Variants in EFNA5 observed in about 807,000 individuals in gnomAD.
The protein encoded by EFNA5 is ephrin-A5.
In EFNA5, 5 loss-of-function variants were observed where a neutral mutation model predicts 22.9. The observed-to-expected ratio is 0.22, with a 90% CI of 0.11 to 0.46. The LOEUF (loss-of-function observed/expected upper bound fraction) is 0.46. Ranked by LOEUF, EFNA5 falls within the 20% of genes least tolerant of loss-of-function variation. The pLI is 0.99. For missense variants in EFNA5, 237 were observed against 293.3 expected, an observed-to-expected ratio of 0.81 and a Z score of 1.40; for synonymous variants, 113 against 112.2, an observed-to-expected ratio of 1.01 and a Z score of -0.04.
intron 1 of EFNA5, among the ~76,000 whole-genome samples, chr5:107,646,989 G>T (rs1750643281): frequency 6.6e-6 from 1 of 151,928 alleles, no homozygotes; most frequent in Non-Finnish European, 1.5e-5. Context: ...CAACTATTAA[G>T]CATATTTTAA....
intron 1 of EFNA5, among the ~76,000 whole-genome samples, chr5:107,441,298 T>C (rs935738749): frequency 6.6e-6 from 1 of 152,154 alleles, no homozygotes; most frequent in Non-Finnish European, 1.5e-5. Context: ...GCTGGCCAGG[T>C]GAGCAGATTA....
chr5:107,612,664 A>C (rs1360103516), intron 1 of EFNA5, among the ~76,000 whole-genome samples: 2 of 152,172 alleles, frequency 1.3e-5, no homozygotes, highest in African/African-American at 4.8e-5. Flanking sequence ...GAAGCATATC[A>C]CTGCAATGCA....
intron 1 of EFNA5, among the ~76,000 whole-genome samples, chr5:107,506,972 G>GCAT (rs1407944302): frequency 6.6e-6 from 1 of 152,082 alleles, no homozygotes; most frequent in East Asian, 1.9e-4. Flanking sequence ...CAGAAATAAT[G>GCAT]CATCATCTTC....
At chr5:107,504,717 A>G (rs1048380091) in intron 1 of EFNA5, among the ~76,000 whole-genome samples, 4 of 151,946 alleles carry the variant, frequency 2.6e-5, no homozygotes, top group African/African-American at 9.7e-5. Flanking sequence ...GGAGTACATG[A>G]AAAAGTGTTG....
At chr5:107,594,661 T>C (rs1749438863) in intron 1 of EFNA5, among the ~76,000 whole-genome samples, 1 of 152,200 alleles carries the variant, frequency 6.6e-6, no homozygotes, top group Admixed American at 6.5e-5. Flanking sequence ...ATTCATATTT[T>C]TAGCTACAAA....
chr5:107,425,729 A>G (rs1445474539), intron 2 of EFNA5, among the ~76,000 whole-genome samples: 3 of 152,218 alleles, frequency 2.0e-5, no homozygotes, highest in African/African-American at 7.2e-5. Flanking sequence ...TTTAAATTCA[A>G]TTCCAATATA....
intron 1 of EFNA5, among the ~76,000 whole-genome samples, chr5:107,556,917 C>T (rs546069832): frequency 3.5e-4 from 53 of 150,898 alleles, no homozygotes; most frequent in African/African-American, 1.2e-3. Context: ...CACAGGAAGA[C>T]TTTTTTTTTA....
At chr5:107,444,002 T>C (rs1167893614) in intron 1 of EFNA5, among the ~76,000 whole-genome samples, 2 of 152,224 alleles carry the variant, frequency 1.3e-5, no homozygotes, top group Non-Finnish European at 1.5e-5. Context: ...CTTATTCTTC[T>C]AGAGATCTTT....
At chr5:107,443,363 T>C (rs1749308973) in intron 1 of EFNA5, among the ~76,000 whole-genome samples, 1 of 152,208 alleles carries the variant, frequency 6.6e-6, no homozygotes, top group Admixed American at 6.5e-5. Context: ...ATGATGACTA[T>C]AAGCTGCAGT....
At chr5:107,505,339 G>C (rs1004143867) in intron 1 of EFNA5, among the ~76,000 whole-genome samples, 81 of 152,184 alleles carry the variant, frequency 5.3e-4, no homozygotes, top group African/African-American at 1.9e-3. Context: ...CTTTAGAAAA[G>C]AAACTGAGTC....
At chr5:107,515,956 T>A (rs942126678) in intron 1 of EFNA5, among the ~76,000 whole-genome samples, 1 of 152,186 alleles carries the variant, frequency 6.6e-6, no homozygotes, top group Admixed American at 6.5e-5. Context: ...ACCATTTATG[T>A]TGGGTTACTT....
chr5:107,550,457 C>T (rs950487395), intron 1 of EFNA5, among the ~76,000 whole-genome samples: 4 of 152,138 alleles, frequency 2.6e-5, no homozygotes, highest in Admixed American at 2.6e-4. Flanking sequence ...TATGCGCTTA[C>T]CACCTACATC....
At chr5:107,587,257 C>T (rs1169184907) in intron 1 of EFNA5, among the ~76,000 whole-genome samples, 1 of 152,144 alleles carries the variant, frequency 6.6e-6, no homozygotes, top group East Asian at 1.9e-4. Flanking sequence ...TCCTTGTCTC[C>T]TCCTTCTTAT....
intron 1 of EFNA5, among the ~76,000 whole-genome samples, chr5:107,662,742 T>A (rs1197661056): frequency 6.6e-6 from 1 of 151,054 alleles, no homozygotes; most frequent in African/African-American, 2.4e-5. Flanking sequence ...ACCTATACTC[T>A]TATCAGTACC....
At chr5:107,448,567 A>G (rs549631400) in intron 1 of EFNA5, among the ~76,000 whole-genome samples, 15 of 152,208 alleles carry the variant, frequency 9.9e-5, no homozygotes, top group African/African-American at 2.9e-4. Flanking sequence ...GCAGTGGCTC[A>G]CACCCGTAAT....
chr5:107,670,650 T>A lies in EFNA5; in HGVS notation c.-37A>T. On this transcript the variant is annotated 5_prime_UTR_variant, in exon 1 of 5. Coordinates refer to ENST00000333274, the MANE Select transcript of EFNA5 (RefSeq NM_001962.3). ...AGCGGCGGAGCCCCCGACGCGCCACTCCGGGGAGAGAGCGGGGATCCGGAG... is the reference window on the plus strand; with the variant it reads ...AGCGGCGGAGCCCCCGACGCGCCACACCGGGGAGAGAGCGGGGATCCGGAG... The A allele has an allele frequency of 6.3e-7, 1 of 1,591,028 alleles. No homozygotes were observed.
intron 1 of EFNA5, among the ~76,000 whole-genome samples, chr5:107,490,094 G>A (rs996350139): frequency 6.6e-6 from 1 of 152,164 alleles, no homozygotes; most frequent in Admixed American, 6.5e-5. Context: ...TGGGGGACCA[G>A]CTAGCTAGCA....
chr5:107,462,079 CA>C, intron 1 of EFNA5, among the ~76,000 whole-genome samples: 1 of 152,126 alleles, frequency 6.6e-6, no homozygotes, highest in Non-Finnish European at 1.5e-5. Context: ...ACCCTGGGAT[CA>C]CTGTAGAAAT....
At chr5:107,394,272 G>A (rs1372316133) in intron 2 of EFNA5, among the ~76,000 whole-genome samples, 2 of 152,130 alleles carry the variant, frequency 1.3e-5, no homozygotes, top group African/African-American at 4.8e-5. Flanking sequence ...AGCCCACTGC[G>A]TCTCAAGACT....
Sources: allele counts gnomAD v4.1 joint callset (sites outside exome capture counted in the v4.1 genomes callset), GRCh38; gene constraint gnomAD v4.1.1; transcripts MANE v1.5; gene names NCBI Gene and HGNC (gene_info 2026-07-23, HGNC 2026-07-21).